Variants in ASAP1 observed in about 807,000 individuals in gnomAD.
ASAP1 encodes arf-GAP with SH3 domain, ANK repeat and PH domain-containing protein 1.
A neutral mutation model predicts 145.2 loss-of-function variants in ASAP1; 43 were observed. That is an observed-to-expected ratio of 0.30 (90% CI 0.23 to 0.38). The LOEUF (loss-of-function observed/expected upper bound fraction) is 0.38. Among genes scored for constraint, ASAP1 ranks in the 10% least tolerant of loss-of-function variants. The pLI is 1.00. For synonymous variants in ASAP1, 546 were observed against 515.5 expected (o/e 1.06, Z -0.80); for missense variants, 1,018 against 1,355.3 (o/e 0.75, Z 3.91).
intron 3 of ASAP1, among the ~76,000 whole-genome samples, chr8:130,311,538 G>A (rs1321752133): frequency 2.0e-5 from 3 of 152,136 alleles, no homozygotes; most frequent in Admixed American, 6.5e-5. Flanking sequence ...AAGGCGGGAG[G>A]ATCACCTGAG....
At chr8:130,146,613 A>C (rs2097631297) in intron 13 of ASAP1, among the ~76,000 whole-genome samples, 1 of 152,226 alleles carries the variant, frequency 6.6e-6, no homozygotes, top group Non-Finnish European at 1.5e-5. Flanking sequence ...TGAATACATT[A>C]ATAGCAAAGA....
chr8:130,160,925 T>C, intron 11 of ASAP1: 1 of 591,868 alleles, frequency 1.7e-6, no homozygotes, highest in East Asian at 7.1e-5. Context: ...ACTGTAAAGA[T>C]AATACCAGAA....
At chr8:130,234,952 A>C (rs1818126228) in intron 4 of ASAP1, among the ~76,000 whole-genome samples, 1 of 152,128 alleles carries the variant, frequency 6.6e-6, no homozygotes, top group Non-Finnish European at 1.5e-5. Flanking sequence ...CTTTTCCCCC[A>C]TCTACCATTT....
chr8:130,310,464 T>C (rs1194653305), intron 3 of ASAP1, among the ~76,000 whole-genome samples: 1 of 152,116 alleles, frequency 6.6e-6, no homozygotes, highest in African/African-American at 2.4e-5. Flanking sequence ...AGTCTAAACT[T>C]CATGGTGATA....
intron 5 of ASAP1, among the ~76,000 whole-genome samples, chr8:130,206,032 A>G (rs965491230): frequency 6.6e-6 from 1 of 152,090 alleles, no homozygotes; most frequent in East Asian, 1.9e-4. Flanking sequence ...AATTTTCCAT[A>G]TATCTCAAAT....
chr8:130,260,378 T>C (rs1819821321), intron 3 of ASAP1, among the ~76,000 whole-genome samples: 2 of 152,332 alleles, frequency 1.3e-5, no homozygotes, highest in South Asian at 4.1e-4. Context: ...AACAATGTTT[T>C]AGCCACTTTT....
At chr8:130,088,969 A>C (rs2097499840) in intron 25 of ASAP1, among the ~76,000 whole-genome samples, 1 of 152,218 alleles carries the variant, frequency 6.6e-6, no homozygotes, top group Non-Finnish European at 1.5e-5. Context: ...TAGAGATGGA[A>C]TGAGAATCCA....
chr8:130,178,165 CTTT>C (rs1285087055), intron 9 of ASAP1, among the ~76,000 whole-genome samples: 4 of 152,156 alleles, frequency 2.6e-5, no homozygotes, highest in Non-Finnish European at 5.9e-5. Flanking sequence ...ATGAATTTAA[CTTT>C]TTTGAGAGTA....
At chr8:130,283,863 G>C (rs954846722) in intron 3 of ASAP1, among the ~76,000 whole-genome samples, 3 of 152,112 alleles carry the variant, frequency 2.0e-5, no homozygotes, top group African/African-American at 7.2e-5. Flanking sequence ...GTCCAATGAA[G>C]GGTAAGGGCC....
intron 3 of ASAP1, among the ~76,000 whole-genome samples, chr8:130,331,170 C>G (rs1182263767): frequency 2.0e-5 from 3 of 152,204 alleles, no homozygotes; most frequent in African/African-American, 7.2e-5. Context: ...GTGTTGTGGG[C>G]TCCAAAGTTA....
intron 9 of ASAP1, chr8:130,178,991 G>C (rs1814163093): frequency 3.5e-6 from 1 of 282,792 alleles, no homozygotes; most frequent in Non-Finnish European, 6.6e-6. Flanking sequence ...TGTAATAAGA[G>C]CTCCACAGGC....
chr8:130,375,025 C>A (rs922857446), intron 2 of ASAP1, among the ~76,000 whole-genome samples: 2 of 152,196 alleles, frequency 1.3e-5, no homozygotes, highest in African/African-American at 4.8e-5. Flanking sequence ...GGACTCATCA[C>A]TGGCTGCCTC....
chr8:130,164,627 AG>A (rs2097676252), intron 11 of ASAP1, among the ~76,000 whole-genome samples: 1 of 152,170 alleles, frequency 6.6e-6, no homozygotes, highest in African/African-American at 2.4e-5. Context: ...CTCTAAAAAC[AG>A]TTATATAGCA....
chr8:130,055,739 G>A (rs897053), intron 29 of ASAP1, among the ~76,000 whole-genome samples: 2,944 of 152,214 alleles, frequency 0.019, 98 homozygotes, highest in African/African-American at 0.066. Context: ...ATCATGTAAT[G>A]GGCCTTCAAT....
In ASAP1 at chr8:130,286,519, C is replaced by T. The variant is rs78641086; in HGVS notation, c.187-49525G>A. ...CAGAGGGTGTCTGAAGGCCAGAATTCCTGAGTTTCTAATCCTGCTTGAGCA... is the reference window on the plus strand; with the variant it reads ...CAGAGGGTGTCTGAAGGCCAGAATTTCTGAGTTTCTAATCCTGCTTGAGCA... On this transcript the variant is annotated intron_variant, in intron 3 of 29. Transcript: ENST00000518721. Among the ~76,000 whole-genome samples, 205 of 152,258 alleles carry T rather than the reference C, an allele frequency of 1.3e-3. 1 individual carries two copies. The highest frequency in any genetic ancestry group is 2.4e-3 in the Non-Finnish European group (166 of 68,014).
chr8:130,222,344 C>T (rs548029803), intron 4 of ASAP1, among the ~76,000 whole-genome samples: 26 of 152,260 alleles, frequency 1.7e-4, no homozygotes, highest in African/African-American at 4.6e-4. Flanking sequence ...TGATTCTCAG[C>T]GACTCTAATT....
intron 6 of ASAP1, among the ~76,000 whole-genome samples, chr8:130,187,511 G>C (rs1205934060): frequency 2.0e-5 from 3 of 151,614 alleles, no homozygotes; most frequent in African/African-American, 7.3e-5. Context: ...GAACTCCCAG[G>C]CTCAATTGAT....
At chr8:130,202,776 T>C (rs750852957) in intron 5 of ASAP1, among the ~76,000 whole-genome samples, 3 of 152,152 alleles carry the variant, frequency 2.0e-5, no homozygotes, top group Non-Finnish European at 2.9e-5. Flanking sequence ...GGAGCAGAGA[T>C]AGAACTCAAT....
chr8:130,349,926 A>C (rs1825903698), intron 3 of ASAP1, among the ~76,000 whole-genome samples: 1 of 152,222 alleles, frequency 6.6e-6, no homozygotes, highest in African/African-American at 2.4e-5. Flanking sequence ...TACATGTGGG[A>C]ATGGCCAAGA....
Sources: allele counts gnomAD v4.1 joint callset (sites outside exome capture counted in the v4.1 genomes callset), GRCh38; gene constraint gnomAD v4.1.1; transcripts MANE v1.5; gene names NCBI Gene and HGNC (gene_info 2026-07-23, HGNC 2026-07-21).